Variants in PRKAG2 observed in about 807,000 individuals in gnomAD.
PRKAG2 encodes the protein 5'-AMP-activated protein kinase subunit gamma-2.
Under a neutral mutation model 69.6 loss-of-function variants are expected in PRKAG2, and 26 were observed. The ratio of observed to expected loss-of-function variants is 0.37; its 90% CI spans 0.27 to 0.52. PRKAG2 has a LOEUF of 0.52. Among genes scored for constraint, PRKAG2 ranks in the 20% least tolerant of loss-of-function variants. PRKAG2 has a pLI of 0.90. For synonymous variants in PRKAG2, 293 were observed against 285.0 expected, an observed-to-expected ratio of 1.03 and a Z score of -0.28; for missense variants, 557 against 740.0, an observed-to-expected ratio of 0.75 and a Z score of 2.87.
intron 5 of PRKAG2, among the ~76,000 whole-genome samples, chr7:151,628,530 T>C (rs577125957): frequency 2.0e-5 from 3 of 152,158 alleles, no homozygotes; most frequent in South Asian, 4.1e-4. Context: ...TTGGCCATCA[T>C]AGTGAAACCC....
intron 3 of PRKAG2, among the ~76,000 whole-genome samples, chr7:151,717,997 G>A (rs1382490314): frequency 6.6e-6 from 1 of 152,200 alleles, no homozygotes; most frequent in Non-Finnish European, 1.5e-5. Context: ...GGAGTGGGGG[G>A]AAGGGGCTCT....
intron 3 of PRKAG2, among the ~76,000 whole-genome samples, chr7:151,728,706 C>A (rs1205780850): frequency 6.6e-6 from 1 of 152,178 alleles, no homozygotes; most frequent in Non-Finnish European, 1.5e-5. Context: ...GCTGGGAACC[C>A]GGGCTCTCCA....
intron 11 of PRKAG2, 42 bp downstream of exon 11, chr7:151,568,673 AG>A: frequency 6.2e-7 from 1 of 1,601,932 alleles, no homozygotes; most frequent in Non-Finnish European, 8.5e-7. Flanking sequence ...TTATTTAATA[AG>A]TAAATGCAAT....
chr7:151,815,343 C>T (rs2078610091), intron 1 of PRKAG2, among the ~76,000 whole-genome samples: 1 of 152,130 alleles, frequency 6.6e-6, no homozygotes, highest in African/African-American at 2.4e-5. Context: ...TGGGCAATTC[C>T]TGGAGATAGT....
At chr7:151,802,461 G>C (rs1180665151) in intron 1 of PRKAG2, among the ~76,000 whole-genome samples, 4 of 152,202 alleles carry the variant, frequency 2.6e-5, no homozygotes, top group Non-Finnish European at 5.9e-5. Context: ...AGCCTTTGGA[G>C]AGGTCCGTGA....
intron 3 of PRKAG2, among the ~76,000 whole-genome samples, chr7:151,759,057 C>T (rs1445756619): frequency 6.6e-6 from 1 of 152,142 alleles, no homozygotes; most frequent in Admixed American, 6.5e-5. Flanking sequence ...TTCTGTATCG[C>T]TCAATTAAAA....
At chr7:151,816,133 G>A (rs890008016) in intron 1 of PRKAG2, among the ~76,000 whole-genome samples, 3 of 152,134 alleles carry the variant, frequency 2.0e-5, no homozygotes, top group Admixed American at 6.5e-5. Context: ...ACTTTGGGGG[G>A]CCTCTGTAGG....
At chr7:151,806,557 C>G (rs55845365) in intron 1 of PRKAG2, 26,377 of 171,196 alleles carry the variant, frequency 0.15, 2,556 homozygotes, top group Non-Finnish European at 0.22. Flanking sequence ...AAGGCTGGTA[C>G]CAGGAGTGAG....
In PRKAG2 at chr7:151,876,562, C is replaced by A. The variant is rs116605521; in HGVS notation, c.59G>T (p.Ser20Ile). The A allele has an allele frequency of 3.7e-3, 6,028 of 1,610,382 alleles. 210 individuals are homozygous for A. The African/African-American group carries it at 0.069, about 18-fold the overall frequency. The stretch of plus-strand genomic sequence containing the variant: ...CTGGCTGGCATTTTTCTTGCCGCCG[C>A]TCCCGCCGGGGCTGGAAACATCTTT... The part of the protein sequence containing the change: ...KKKDVSSPGG[S>I]GGKKNASQKR... The change falls in exon 1 of 16, where the codon AGC becomes ATC. Residue 20 changes from serine (S) to isoleucine (I), a missense_variant. Transcript: ENST00000287878.
rs749730868 is a variant in PRKAG2 at position 151,565,330 on chromosome 7, A to C, written c.1437+16T>G. The C allele has an allele frequency of 1.4e-6, 2 of 1,380,846 alleles. No homozygotes were observed. Among genetic ancestry groups the C allele is most frequent in the South Asian group, 2.5e-5 (2 of 79,920 alleles). 85.5% of individuals were successfully genotyped at this position (1,380,846 alleles called of 1,614,324 possible). ...TGCATTCTAGGTGACAGATTGAACAAAATTAAAATACTTACAATTACATCA... is the reference window on the plus strand; with the variant it reads ...TGCATTCTAGGTGACAGATTGAACACAATTAAAATACTTACAATTACATCA... On this transcript the variant is annotated intron_variant, in intron 13 of 15. Transcript: ENST00000287878.
chr7:151,570,646 T>C (rs1807324662), intron 9 of PRKAG2, among the ~76,000 whole-genome samples: 2 of 152,376 alleles, frequency 1.3e-5, no homozygotes. Flanking sequence ...CTTTGTTCTT[T>C]AAATATTTTT....
chr7:151,587,528 A>T (rs1030035285), intron 6 of PRKAG2, among the ~76,000 whole-genome samples: 4 of 152,170 alleles, frequency 2.6e-5, no homozygotes, highest in African/African-American at 9.7e-5. Flanking sequence ...CAGGTAATGG[A>T]GAGTGGTAAG....
chr7:151,821,969 G>A (rs1270490471), intron 1 of PRKAG2, among the ~76,000 whole-genome samples: 3 of 152,166 alleles, frequency 2.0e-5, no homozygotes, highest in African/African-American at 4.8e-5. Context: ...TTACGGAGGC[G>A]AACAGGGCCT....
chr7:151,617,681 G>A (rs1468167639), intron 5 of PRKAG2, among the ~76,000 whole-genome samples: 1 of 151,910 alleles, frequency 6.6e-6, no homozygotes, highest in East Asian at 1.9e-4. Context: ...ACAGGTCATA[G>A]TAACATATTC....
intron 3 of PRKAG2, among the ~76,000 whole-genome samples, chr7:151,740,684 G>A (rs1350436404): frequency 7.2e-5 from 11 of 152,344 alleles, no homozygotes; most frequent in African/African-American, 9.6e-5. Context: ...TGAAAAAGCC[G>A]TGAGTATGTG....
intron 1 of PRKAG2, among the ~76,000 whole-genome samples, chr7:151,852,907 C>T (rs2079611466): frequency 6.6e-6 from 1 of 152,206 alleles, no homozygotes; most frequent in Non-Finnish European, 1.5e-5. Context: ...AATACCTGCT[C>T]TTTCATATGT....
intron 3 of PRKAG2, among the ~76,000 whole-genome samples, chr7:151,773,019 AAGAAAGAGAG>A (rs1210984349): frequency 7.2e-4 from 17 of 23,534 alleles, no homozygotes; most frequent in African/African-American, 3.0e-3. Flanking sequence ...GAAAGAAAGA[AAGAAAGAGAG>A]AGAGAGAGAG....
intron 1 of PRKAG2, among the ~76,000 whole-genome samples, chr7:151,842,726 G>T (rs914774868): frequency 6.6e-6 from 1 of 151,226 alleles, no homozygotes; most frequent in Non-Finnish European, 1.5e-5. Flanking sequence ...GGTAGTGATG[G>T]TTGTGATAGT....
At chr7:151,863,644 G>A (rs1365061224) in intron 1 of PRKAG2, among the ~76,000 whole-genome samples, 2 of 152,180 alleles carry the variant, frequency 1.3e-5, no homozygotes, top group Non-Finnish European at 2.9e-5. Context: ...AGGCCAGCAC[G>A]GTGGCTCACG....
Sources: allele counts gnomAD v4.1 joint callset (sites outside exome capture counted in the v4.1 genomes callset), GRCh38; gene constraint gnomAD v4.1.1; transcripts MANE v1.5; gene names NCBI Gene and HGNC (gene_info 2026-07-23, HGNC 2026-07-21).